The following SEMA3A variants were observed in gnomAD, a reference collection of about 807,000 sequenced individuals.
The protein encoded by SEMA3A is semaphorin-3A.
A neutral mutation model predicts 97.9 loss-of-function variants in SEMA3A; 29 were observed. The observed-to-expected ratio is 0.30, with a 90% CI of 0.22 to 0.40. The LOEUF (loss-of-function observed/expected upper bound fraction) is 0.40. Ranked by LOEUF, SEMA3A falls within the 10% of genes least tolerant of loss-of-function variation. SEMA3A has a pLI of 1.00. For missense variants in SEMA3A, 763 were observed against 951.3 expected (o/e 0.80, Z 2.60); for synonymous variants, 321 against 323.7 (o/e 0.99, Z 0.09).
At chr7:84,191,629 T>C (rs1348573899) in intron 1 of SEMA3A, among the ~76,000 whole-genome samples, 6 of 151,896 alleles carry the variant, frequency 4.0e-5, no homozygotes, top group African/African-American at 7.2e-5. Context: ...TAAACATTTA[T>C]GCATGGACCA....
intron 7 of SEMA3A, among the ~76,000 whole-genome samples, chr7:84,011,909 AG>A (rs889295386): frequency 6.6e-6 from 1 of 152,194 alleles, no homozygotes; most frequent in African/African-American, 2.4e-5. Context: ...GCAAAAATCA[AG>A]AAGAAGGAAA....
At chr7:83,993,808 C>T (rs1790073895) in intron 12 of SEMA3A, among the ~76,000 whole-genome samples, 1 of 128,368 alleles carries the variant, frequency 7.8e-6, no homozygotes, top group African/African-American at 3.0e-5. Context: ...AGTTGCTCTT[C>T]TCGAGGAGTA....
chr7:84,143,856 T>C (rs1796374444), intron 1 of SEMA3A, among the ~76,000 whole-genome samples: 2 of 150,550 alleles, frequency 1.3e-5, no homozygotes, highest in African/African-American at 4.9e-5. Flanking sequence ...CATAAAGCCA[T>C]GGTCATCATC....
At chr7:84,356,572 C>A (rs971368927) in intron 2 of SEMA3A, among the ~76,000 whole-genome samples, 2 of 151,472 alleles carry the variant, frequency 1.3e-5, no homozygotes, top group Non-Finnish European at 3.0e-5. Context: ...AAATTGAATT[C>A]CATAAAGTAA....
chr7:84,056,247 C>G (rs915823428), intron 5 of SEMA3A, among the ~76,000 whole-genome samples: 3 of 152,158 alleles, frequency 2.0e-5, no homozygotes, highest in African/African-American at 7.2e-5. Context: ...AACTGCATTT[C>G]TATTATGGCT....
intron 3 of SEMA3A, among the ~76,000 whole-genome samples, chr7:84,225,873 T>A (rs1296122918): frequency 6.6e-6 from 1 of 152,088 alleles, no homozygotes; most frequent in Non-Finnish European, 1.5e-5. Context: ...TACAAGCAGT[T>A]GCATGAAGAT....
intron 3 of SEMA3A, among the ~76,000 whole-genome samples, chr7:84,262,624 G>A (rs1181534056): frequency 6.6e-6 from 1 of 152,122 alleles, no homozygotes. Flanking sequence ...AAGAGCTAAG[G>A]AAATCTATAT....
At chr7:84,099,008 T>C (rs1794861716) in intron 4 of SEMA3A, among the ~76,000 whole-genome samples, 1 of 152,018 alleles carries the variant, frequency 6.6e-6, no homozygotes, top group Non-Finnish European at 1.5e-5. Flanking sequence ...TGGACAATAG[T>C]TATAGCAGAA....
intron 1 of SEMA3A, among the ~76,000 whole-genome samples, chr7:84,176,441 T>C (rs1797569605): frequency 6.6e-6 from 1 of 152,156 alleles, no homozygotes; most frequent in Non-Finnish European, 1.5e-5. Context: ...GTAAAACCTA[T>C]CAGAAATTAT....
chr7:84,126,129 T>C (rs1036734134), intron 3 of SEMA3A, among the ~76,000 whole-genome samples: 1 of 152,186 alleles, frequency 6.6e-6, no homozygotes, highest in Admixed American at 6.5e-5. Context: ...TTTATATTGT[T>C]AGTTATTAAT....
chr7:84,065,622 T>G (rs1394398223), intron 4 of SEMA3A, among the ~76,000 whole-genome samples: 1 of 150,782 alleles, frequency 6.6e-6, no homozygotes, highest in African/African-American at 2.5e-5. Context: ...CAAACTACCA[T>G]CAGAGAATAC....
intron 6 of SEMA3A, among the ~76,000 whole-genome samples, chr7:84,017,767 T>G (rs1374137856): frequency 2.0e-5 from 3 of 152,112 alleles, no homozygotes; most frequent in African/African-American, 7.2e-5. Flanking sequence ...CCCTCTTTCT[T>G]ATTCTCTAAG....
At chr7:84,091,167 G>GAAAGAAAGAAA (rs1794569996) in intron 4 of SEMA3A, among the ~76,000 whole-genome samples, 12 of 42,896 alleles carry the variant, frequency 2.8e-4, no homozygotes, top group African/African-American at 4.6e-4. Context: ...AAGGAAGGAA[G>GAAAGAAAGAAA]GAAAGAAAGA....
intron 1 of SEMA3A, among the ~76,000 whole-genome samples, chr7:84,179,068 C>G (rs1476589671): frequency 6.6e-6 from 1 of 152,078 alleles, no homozygotes; most frequent in Non-Finnish European, 1.5e-5. Context: ...ACTCACAGTT[C>G]TTTATTGGTA....
intron 15 of SEMA3A, among the ~76,000 whole-genome samples, chr7:83,970,573 C>G (rs1788872742): frequency 1.3e-5 from 2 of 152,090 alleles, no homozygotes; most frequent in Admixed American, 1.3e-4. Context: ...AGGTTGTGAA[C>G]CATATTCATT....
intron 1 of SEMA3A, among the ~76,000 whole-genome samples, chr7:84,429,479 A>T (rs1322806905): frequency 1.4e-5 from 2 of 139,256 alleles, no homozygotes; most frequent in Non-Finnish European, 3.1e-5. Context: ...TAACGTGGTT[A>T]AATATTGACT....
intron 16 of SEMA3A, among the ~76,000 whole-genome samples, chr7:83,962,468 TA>T (rs1339791955): frequency 9.2e-5 from 14 of 152,194 alleles, no homozygotes; most frequent in Admixed American, 8.5e-4. Flanking sequence ...TATATAGTTT[TA>T]AGACTGATTA....
intron 4 of SEMA3A, among the ~76,000 whole-genome samples, chr7:84,072,261 G>C (rs946812112): frequency 6.6e-6 from 1 of 151,696 alleles, no homozygotes; most frequent in African/African-American, 2.4e-5. Flanking sequence ...TTTATATTAA[G>C]CTTATCAATA....
intron 3 of SEMA3A, among the ~76,000 whole-genome samples, chr7:84,215,965 T>C (rs1798744643): frequency 6.6e-6 from 1 of 150,788 alleles, no homozygotes; most frequent in Non-Finnish European, 1.5e-5. Flanking sequence ...AAATGAGAAA[T>C]GAACTGTTAA....
Sources: allele counts gnomAD v4.1 joint callset (sites outside exome capture counted in the v4.1 genomes callset), GRCh38; gene constraint gnomAD v4.1.1; transcripts MANE v1.5; gene names NCBI Gene and HGNC (gene_info 2026-07-23, HGNC 2026-07-21).